The following CYB5A variants were observed in gnomAD, a reference collection of about 807,000 sequenced individuals.
CYB5A encodes cytochrome b5 type A.
Under a neutral mutation model 16.2 loss-of-function variants are expected in CYB5A, and 10 were observed. The ratio of observed to expected loss-of-function variants is 0.62; its 90% confidence interval spans 0.38 to 1.04. CYB5A has a LOEUF of 1.04. CYB5A is among the 50% of genes least tolerant of loss of function. The pLI is 0.01. For missense variants in CYB5A, 161 were observed against 165.9 expected (o/e 0.97, Z 0.16); for synonymous variants, 62 against 57.0 (o/e 1.09, Z -0.40).
At chr18:74,278,692 A>G (rs1982975486) in intron 1 of CYB5A, among the ~76,000 whole-genome samples, 1 of 152,238 alleles carries the variant, frequency 6.6e-6, no homozygotes, top group Admixed American at 6.5e-5. Context: ...TAGTTAGGCC[A>G]AGGGCAGACA....
chr18:74,283,309 C>A (rs1485437662), intron 1 of CYB5A, among the ~76,000 whole-genome samples: 1 of 152,190 alleles, frequency 6.6e-6, no homozygotes, highest in Non-Finnish European at 1.5e-5. Flanking sequence ...CCAAACAACA[C>A]ATGCCTCCTC....
In CYB5A at chr18:74,285,808, C is replaced by T. The variant is rs187307952; in HGVS notation, c.129+5939G>A. On this transcript the variant is annotated intron_variant, in intron 1 of 4. Coordinates refer to ENST00000340533, the MANE Select transcript of CYB5A (RefSeq NM_148923.4). ...TCAAGGCTGCAGTGAGCTGAGATCA[C>T]ACCACGGCCTGGGCAACACAGCAAG... 7.3e-4 allele frequency among the ~76,000 whole-genome samples: 103 copies of T among 141,670 alleles called. 1 individual carries two copies. The East Asian group carries it at 0.016, about 22-fold the overall frequency. The allele number at this position is 141,670 out of a possible 152,430, so 92.9% of individuals were successfully genotyped here. A position where few individuals can be genotyped will look rare whatever the true frequency, so the allele number is the denominator to read the frequency against.
chr18:74,263,193 G>A (rs1568216117), intron 2 of CYB5A, among the ~76,000 whole-genome samples, 156 bp downstream of exon 2: 1 of 150,520 alleles, frequency 6.6e-6, no homozygotes, highest in Non-Finnish European at 1.5e-5. Context: ...GACATTTTTG[G>A]TCAATTTATT....
chr18:74,263,896 A>G (rs2543403), intron 1 of CYB5A, among the ~76,000 whole-genome samples: 143,142 of 151,932 alleles, frequency 0.94, 67,888 homozygotes, highest in East Asian at 1. Context: ...TGGGTAACAG[A>G]GGGAGACCCT....
chr18:74,263,206 T>A, intron 2 of CYB5A, 143 bp downstream of exon 2: 1 of 1,048,354 alleles, frequency 9.5e-7, no homozygotes, highest in Non-Finnish European at 1.4e-6. Context: ...AATTTATTTA[T>A]AACAAAAAAT....
At chr18:74,276,919 A>G (rs554850500) in intron 1 of CYB5A, among the ~76,000 whole-genome samples, 1 of 152,332 alleles carries the variant, frequency 6.6e-6, no homozygotes, top group Non-Finnish European at 1.5e-5. Flanking sequence ...TTCGAGAAAG[A>G]CAACCATAAC....
rs188357310 is a variant in CYB5A, at chr18:74,255,458, G to A, written c.323+283C>T. Reference sequence around the variant, plus strand: ...CCAGGGAGGTGCTGTGGGACTGGCCGCCTAAGATGCTGCCCTGGGGGAAAA... The same window carrying A: ...CCAGGGAGGTGCTGTGGGACTGGCCACCTAAGATGCTGCCCTGGGGGAAAA... On this transcript the variant is annotated intron_variant, in intron 4 of 4. Transcript: ENST00000340533. Among the ~76,000 whole-genome samples, 11 of 152,308 alleles carry A rather than the reference G, an allele frequency of 7.2e-5. No individual in the cohort carries two copies. The East Asian group carries it at 9.6e-4, about 13-fold the overall frequency.
intron 1 of CYB5A, among the ~76,000 whole-genome samples, chr18:74,272,864 G>A (rs1406368402): frequency 1.3e-5 from 2 of 152,182 alleles, no homozygotes; most frequent in African/African-American, 4.8e-5. Context: ...AGAGGTTGCA[G>A]TGAGCTGAGA....
chr18:74,278,649 T>C (rs1367333281), intron 1 of CYB5A, among the ~76,000 whole-genome samples: 1 of 152,174 alleles, frequency 6.6e-6, no homozygotes, highest in Admixed American at 6.5e-5. Context: ...ATAAAAATAA[T>C]AGACATTTCT....
At chr18:74,271,641 A>G (rs1228038505) in intron 1 of CYB5A, among the ~76,000 whole-genome samples, 1 of 149,610 alleles carries the variant, frequency 6.7e-6, no homozygotes, top group Non-Finnish European at 1.5e-5. Context: ...CACCTCATGT[A>G]CTTATCGTGT....
intron 4 of CYB5A, among the ~76,000 whole-genome samples, chr18:74,254,770 T>C (rs1981908107): frequency 6.6e-6 from 1 of 152,160 alleles, no homozygotes; most frequent in Non-Finnish European, 1.5e-5. Flanking sequence ...TCCACCTGCC[T>C]CGGCCTCCCA....
chr18:74,285,073 G>C (rs1983268052), intron 1 of CYB5A, among the ~76,000 whole-genome samples: 1 of 152,182 alleles, frequency 6.6e-6, no homozygotes, highest in Non-Finnish European at 1.5e-5. Context: ...AGGAAAGGAA[G>C]CACACTTGAT....
chr18:74,255,634 G>T, intron 4 of CYB5A, 107 bp downstream of exon 4: 1 of 911,792 alleles, frequency 1.1e-6, no homozygotes, highest in Non-Finnish European at 1.8e-6. Flanking sequence ...TGCTGAGACA[G>T]CACAGTGTCA....
intron 4 of CYB5A, 42 bp from the exon 5 acceptor site, chr18:74,253,707 CTGTG>C: frequency 7.5e-7 from 1 of 1,335,308 alleles, no homozygotes; most frequent in Non-Finnish European, 1.1e-6. Context: ...ATGATGTGCA[CTGTG>C]GTGGACTCAA....
chr18:74,291,663 G>C, intron 1 of CYB5A, 84 bp downstream of exon 1: 4 of 1,595,882 alleles, frequency 2.5e-6, no homozygotes, highest in Non-Finnish European at 3.4e-6. Flanking sequence ...TGCGGACTCC[G>C]GGCCGCGAAA....
intron 3 of CYB5A, chr18:74,258,840 G>A (rs1039989954): frequency 3.3e-5 from 5 of 152,214 alleles, no homozygotes; most frequent in Non-Finnish European, 7.3e-5. Context: ...AATCTCTGAA[G>A]AGAGTAAAAA....
intron 2 of CYB5A, among the ~76,000 whole-genome samples, chr18:74,262,903 A>T (rs1048655475): frequency 2.0e-5 from 3 of 152,102 alleles, no homozygotes; most frequent in Non-Finnish European, 4.4e-5. Flanking sequence ...TAATCCCAAC[A>T]CTTTGAGAGG....
chr18:74,264,908 A>G (rs890522847), intron 1 of CYB5A, among the ~76,000 whole-genome samples: 1 of 151,864 alleles, frequency 6.6e-6, no homozygotes, highest in Non-Finnish European at 1.5e-5. Context: ...AATAAAAAAG[A>G]AAGCGGAGCT....
intron 1 of CYB5A, 38 bp from the exon 2 acceptor site, chr18:74,263,515 AGGC>A (rs1472802645): frequency 4.4e-6 from 7 of 1,601,652 alleles, no homozygotes; most frequent in African/African-American, 1.3e-5. Context: ...TTTTTTTTTC[AGGC>A]AAATGAATTA....
Sources: gnomAD v4.1 joint callset for allele counts (sites outside exome capture counted in the v4.1 genomes callset) on GRCh38, gnomAD v4.1.1 for gene constraint, MANE v1.5 for transcripts, NCBI Gene and HGNC (gene_info 2026-07-23, HGNC 2026-07-21) for gene names.